Variants in STRBP observed in about 807,000 individuals in gnomAD.
STRBP encodes spermatid perinuclear RNA binding protein, also known as spermatid perinuclear RNA-binding protein.
In STRBP, 13 loss-of-function variants were observed where a neutral mutation model predicts 80.1. That is an observed-to-expected ratio of 0.16 (90% CI 0.11 to 0.26). The LOEUF (loss-of-function observed/expected upper bound fraction) is 0.26. Ranked by LOEUF, STRBP falls within the 10% of genes least tolerant of loss-of-function variation. STRBP has a pLI of 1.00. For synonymous variants in STRBP, 284 were observed against 291.2 expected (o/e 0.98, Z 0.25); for missense variants, 485 against 815.2 (o/e 0.59, Z 4.93).
chr9:123,183,175 T>C (rs1030497536), intron 3 of STRBP, among the ~76,000 whole-genome samples: 1 of 152,040 alleles, frequency 6.6e-6, no homozygotes, highest in African/African-American at 2.4e-5. Context: ...CGGTGGCTGA[T>C]GCTTGTAATC....
At chr9:123,230,423 T>C (rs569409377) in intron 2 of STRBP, among the ~76,000 whole-genome samples, 1 of 152,368 alleles carries the variant, frequency 6.6e-6, no homozygotes, top group African/African-American at 2.4e-5. Flanking sequence ...CTATTTTATC[T>C]AGTTACTTAT....
intron 13 of STRBP, among the ~76,000 whole-genome samples, chr9:123,140,320 C>T (rs974084661): frequency 7.2e-5 from 11 of 152,186 alleles, no homozygotes; most frequent in African/African-American, 1.9e-4. Context: ...CTCGGCCAGA[C>T]GCGGTGGCTC....
intron 18 of STRBP, 25 bp from the exon 19 acceptor site, chr9:123,125,698 A>T (rs1439594495): frequency 6.4e-7 from 1 of 1,573,526 alleles, no homozygotes; most frequent in African/African-American, 1.4e-5. Flanking sequence ...AACGGAGAGG[A>T]CTCCAAATAA....
At chr9:123,175,299 T>G (rs1250985069) in intron 4 of STRBP, among the ~76,000 whole-genome samples, 1 of 152,156 alleles carries the variant, frequency 6.6e-6, no homozygotes, top group Non-Finnish European at 1.5e-5. Flanking sequence ...AAACTGAAAG[T>G]CTGACTTCAG....
chr9:123,216,267 C>G, intron 2 of STRBP, among the ~76,000 whole-genome samples: 1 of 152,176 alleles, frequency 6.6e-6, no homozygotes, highest in Non-Finnish European at 1.5e-5. Context: ...AGCTCTGTAA[C>G]TACATGTTCC....
At chr9:123,239,365 ACT>A (rs2040644651) in intron 1 of STRBP, among the ~76,000 whole-genome samples, 2 of 151,112 alleles carry the variant, frequency 1.3e-5, no homozygotes, top group South Asian at 2.1e-4. Context: ...ACAGAGCGAG[ACT>A]CTGTCTCAAA....
At chr9:123,156,394 G>A (rs1222559112) in intron 11 of STRBP, among the ~76,000 whole-genome samples, 1 of 151,986 alleles carries the variant, frequency 6.6e-6, no homozygotes, top group African/African-American at 2.4e-5. Flanking sequence ...GTAGAATCTG[G>A]AGGATTCTTT....
intron 17 of STRBP, among the ~76,000 whole-genome samples, chr9:123,128,508 A>T (rs2035989859): frequency 6.6e-6 from 1 of 152,124 alleles, no homozygotes; most frequent in Admixed American, 6.5e-5. Flanking sequence ...TCTCTTTCTC[A>T]CTGCACTCAC....
At chr9:123,200,734 A>ATTTTTTTTT (rs71390418) in intron 2 of STRBP, among the ~76,000 whole-genome samples, 4,661 of 37,468 alleles carry the variant, frequency 0.12, 2,063 homozygotes, top group East Asian at 0.49. Flanking sequence ...CACCCCGCTA[A>ATTTTTTTTT]TTTTTTTTTT....
chr9:123,191,116 T>C (rs1232800396), intron 2 of STRBP, among the ~76,000 whole-genome samples: 2 of 152,026 alleles, frequency 1.3e-5, no homozygotes, highest in African/African-American at 4.8e-5. Context: ...AATTTAGCAG[T>C]ACGTTAGAAG....
intron 3 of STRBP, 73 bp downstream of exon 3, chr9:123,184,059 C>T: frequency 1.3e-6 from 2 of 1,486,216 alleles, no homozygotes; most frequent in Non-Finnish European, 1.9e-6. Flanking sequence ...TTTGCCCTCA[C>T]TGTTAACATT....
chr9:123,212,236 T>C (rs1158166493), intron 2 of STRBP, among the ~76,000 whole-genome samples: 1 of 152,214 alleles, frequency 6.6e-6, no homozygotes, highest in South Asian at 2.1e-4. Context: ...TGAGTTTCAA[T>C]TACCGCATTT....
At chr9:123,152,146 C>T (rs893419614) in intron 11 of STRBP, among the ~76,000 whole-genome samples, 2 of 151,996 alleles carry the variant, frequency 1.3e-5, no homozygotes, top group Non-Finnish European at 2.9e-5. Flanking sequence ...GAATCAGATC[C>T]GTAATTTAAA....
chr9:123,238,963 CAA>C (rs1362493504), intron 1 of STRBP, among the ~76,000 whole-genome samples: 2 of 152,134 alleles, frequency 1.3e-5, no homozygotes, highest in Non-Finnish European at 2.9e-5. Context: ...CATAACATTA[CAA>C]AAGTTTCAGA....
intron 1 of STRBP, among the ~76,000 whole-genome samples, chr9:123,240,020 A>C (rs1184618172): frequency 6.6e-6 from 1 of 152,202 alleles, no homozygotes; most frequent in South Asian, 2.1e-4. Flanking sequence ...CAAAAAAATA[A>C]GCCCATTTTC....
chr9:123,129,316 C>CACTGCACTCCAGGCTGGGCA (rs1226334110), intron 17 of STRBP, among the ~76,000 whole-genome samples: 2 of 152,106 alleles, frequency 1.3e-5, no homozygotes, highest in African/African-American at 4.8e-5. Context: ...ATGATCACAC[C>CACTGCACTCCAGGCTGGGCA]ACTGCACTCC....
intron 8 of STRBP, among the ~76,000 whole-genome samples, chr9:123,160,089 G>A (rs1404808922): frequency 2.6e-5 from 4 of 152,142 alleles, no homozygotes; most frequent in African/African-American, 9.7e-5. Flanking sequence ...AAAGTCAAGT[G>A]TAAGAAGACA....
intron 8 of STRBP, 37 bp from the exon 9 acceptor site, chr9:123,159,244 A>G (rs2037419709): frequency 7.1e-7 from 1 of 1,413,144 alleles, no homozygotes; most frequent in Admixed American, 1.7e-5. Context: ...TACATGCACC[A>G]AGTGTTAAAA....
intron 17 of STRBP, among the ~76,000 whole-genome samples, chr9:123,128,461 C>G (rs1421778958): frequency 6.6e-6 from 1 of 152,168 alleles, no homozygotes; most frequent in East Asian, 1.9e-4. Context: ...TCACCATGGC[C>G]TACAAGGCTC....
Sources: gnomAD v4.1 joint callset for allele counts (sites outside exome capture counted in the v4.1 genomes callset) on GRCh38, gnomAD v4.1.1 for gene constraint, MANE v1.5 for transcripts, NCBI Gene and HGNC (gene_info 2026-07-23, HGNC 2026-07-21) for gene names.